AGPAT5: variants seen among roughly 807,000 people sequenced by gnomAD.
AGPAT5 encodes 1-acylglycerol-3-phosphate O-acyltransferase 5, also known as 1-acyl-sn-glycerol-3-phosphate acyltransferase epsilon.
A neutral mutation model predicts 45.6 loss-of-function variants in AGPAT5; 46 were observed. The observed-to-expected ratio is 1.01, with a 90% CI of 0.80 to 1.29. The LOEUF (loss-of-function observed/expected upper bound fraction) is 1.29, where lower values mean the gene tolerates loss of function less well. Ranked by LOEUF, AGPAT5 falls within the 50% of genes most tolerant of loss-of-function variation. The probability of loss-of-function intolerance (pLI) is 0.00; values close to 1 mark genes in which losing one functional copy is unlikely to be tolerated. For synonymous variants in AGPAT5, 272 were observed against 167.0 expected (o/e 1.63, Z -4.85); for missense variants, 673 against 450.7 (o/e 1.49, Z -4.47).
intron 1 of AGPAT5, among the ~76,000 whole-genome samples, chr8:6,717,219 T>G (rs1800361855): frequency 6.6e-6 from 1 of 152,266 alleles, no homozygotes; most frequent in African/African-American, 2.4e-5. Context: ...TTGTTTCTTC[T>G]GTTTCTCTGT....
intron 2 of AGPAT5, among the ~76,000 whole-genome samples, chr8:6,729,957 A>G (rs1302715813): frequency 6.6e-6 from 1 of 152,188 alleles, no homozygotes; most frequent in Non-Finnish European, 1.5e-5. Context: ...GTCCTAACCT[A>G]GTACCGAGTC....
chr8:6,728,362 G>C lies in AGPAT5; in HGVS notation c.290-2349G>C, dbSNP rs142140290. Among the ~76,000 whole-genome samples the C allele has an allele frequency of 4.2e-3, 638 of 152,358 alleles. 4 individuals carry two copies. The highest frequency in any genetic ancestry group is 7.0e-3 in the Non-Finnish European group (473 of 68,034). Reference sequence around the variant, plus strand: ...AATCTGATGTCCTATCTGAAAGGTAGCTGAGAATAAACAAGAAATAAAGAG... The same window carrying C: ...AATCTGATGTCCTATCTGAAAGGTACCTGAGAATAAACAAGAAATAAAGAG... On this transcript the variant is annotated intron_variant, in intron 2 of 7. Coordinates refer to ENST00000285518, the MANE Select transcript of AGPAT5 (RefSeq NM_018361.5).
intron 7 of AGPAT5, among the ~76,000 whole-genome samples, chr8:6,756,714 C>G (rs1185383781): frequency 2.6e-5 from 4 of 151,758 alleles, no homozygotes; most frequent in African/African-American, 4.8e-5. Flanking sequence ...TGATCTTGGT[C>G]TCTGCCGGGT....
intron 3 of AGPAT5, among the ~76,000 whole-genome samples, 167 bp downstream of exon 3, chr8:6,730,993 C>G (rs1334243241): frequency 6.6e-6 from 1 of 151,788 alleles, no homozygotes; most frequent in African/African-American, 2.4e-5. Context: ...CTCTGCCTCC[C>G]AAGTAGTTGG....
Position 6,755,137 on chromosome 8 carries a change from A to T in AGPAT5, c.832A>T (p.Arg278Ter). The change falls in exon 7 of 8, where the codon AGA becomes TGA. Residue 278 changes from arginine (R) to a stop codon, truncating the protein, a stop_gained. Coordinates refer to ENST00000285518, the MANE Select transcript of AGPAT5 (RefSeq NM_018361.5). LOFTEE classifies it high-confidence loss of function. ...KDVPEEQEHMRRWLHERFEIK... is the reference protein window; with the variant it reads ...KDVPEEQEHM ...TGTCCCAGAAGAACAAGAACATATG[A>T]GAAGATGGCTGCATGAACGTTTCGA... 1.2e-6 allele frequency: 2 copies of T among 1,608,394 alleles called. No individual in the cohort carries two copies. Among genetic ancestry groups the T allele is most frequent in the Non-Finnish European group, 1.7e-6 (2 of 1,179,006 alleles).
chr8:6,733,331 C>T (rs1563293418), intron 4 of AGPAT5, among the ~76,000 whole-genome samples: 3 of 152,212 alleles, frequency 2.0e-5, no homozygotes. Flanking sequence ...CTCCCTCCCT[C>T]TGTCTTCCCT....
chr8:6,714,141 C>T (rs951128162), intron 1 of AGPAT5, among the ~76,000 whole-genome samples: 1 of 152,146 alleles, frequency 6.6e-6, no homozygotes, highest in Non-Finnish European at 1.5e-5. Context: ...TCTCTGATAC[C>T]TATAGTCCTA....
At chr8:6,718,011 C>G (rs1003847321) in intron 1 of AGPAT5, among the ~76,000 whole-genome samples, 4 of 152,174 alleles carry the variant, frequency 2.6e-5, no homozygotes, top group African/African-American at 4.8e-5. Context: ...GTGTCAACTT[C>G]TCAGTCTCAA....
At chr8:6,718,512 TG>T (rs1800404941) in intron 1 of AGPAT5, among the ~76,000 whole-genome samples, 1 of 19,646 alleles carries the variant, frequency 5.1e-5, no homozygotes, top group Non-Finnish European at 8.4e-5. Flanking sequence ...TGGAAAACAC[TG>T]TGTAAGCTTT....
intron 6 of AGPAT5, among the ~76,000 whole-genome samples, chr8:6,749,334 T>A (rs1352216203): frequency 6.6e-6 from 1 of 152,136 alleles, no homozygotes; most frequent in Non-Finnish European, 1.5e-5. Flanking sequence ...GAAAAAAAAA[T>A]GTAACATATT....
rs549648806 is a variant in AGPAT5, at chr8:6,719,942, ACT to A, written c.220-4924_220-4923del. ...ACCAGGAACACCTTTGACCTCAGTGACTCTCGATTGAAGAGAAGACCAAGTTG... is the reference window on the plus strand; with the variant it reads ...ACCAGGAACACCTTTGACCTCAGTGACTCGATTGAAGAGAAGACCAAGTTG... On this transcript the variant is annotated intron_variant, in intron 1 of 7. Coordinates refer to ENST00000285518, the MANE Select transcript of AGPAT5 (RefSeq NM_018361.5). 5.8e-3 allele frequency among the ~76,000 whole-genome samples: 878 copies of A among 152,226 alleles called. 3 individuals are homozygous for A. The highest frequency in any genetic ancestry group is 8.8e-3 in the Non-Finnish European group (600 of 68,014).
chr8:6,727,626 C>G (rs1800732053), intron 2 of AGPAT5, among the ~76,000 whole-genome samples: 1 of 152,236 alleles, frequency 6.6e-6, no homozygotes, highest in Non-Finnish European at 1.5e-5. Flanking sequence ...GGTGATCTGC[C>G]TGCCTCGGCC....
chr8:6,756,646 A>T (rs956342795), intron 7 of AGPAT5, among the ~76,000 whole-genome samples: 1 of 150,562 alleles, frequency 6.6e-6, no homozygotes, highest in Non-Finnish European at 1.5e-5. Context: ...GAGGATATGC[A>T]TATGTTATAT....
intron 6 of AGPAT5, among the ~76,000 whole-genome samples, chr8:6,751,241 A>G (rs1460945995): frequency 6.6e-6 from 1 of 152,244 alleles, no homozygotes; most frequent in African/African-American, 2.4e-5. Flanking sequence ...AGTATTAAAT[A>G]TTATCTCTAT....
intron 5 of AGPAT5, among the ~76,000 whole-genome samples, chr8:6,744,737 T>C (rs575982694): frequency 6.6e-6 from 1 of 152,340 alleles, no homozygotes; most frequent in African/African-American, 2.4e-5. Context: ...TTTGGCTGAT[T>C]TCTAATCTCT....
intron 1 of AGPAT5, among the ~76,000 whole-genome samples, chr8:6,719,271 A>G (rs912211370): frequency 6.6e-6 from 1 of 152,216 alleles, no homozygotes. Context: ...TTCCTAATGC[A>G]TGGTGGGAGA....
At chr8:6,710,404 A>G (rs1005478128) in intron 1 of AGPAT5, among the ~76,000 whole-genome samples, 1 of 152,208 alleles carries the variant, frequency 6.6e-6, no homozygotes, top group African/African-American at 2.4e-5. Context: ...ATCCAGCACT[A>G]ATTTTCATGC....
intron 4 of AGPAT5, among the ~76,000 whole-genome samples, chr8:6,734,400 C>T (rs1350097968): frequency 6.6e-6 from 1 of 152,046 alleles, no homozygotes; most frequent in Non-Finnish European, 1.5e-5. Context: ...GTTTAAGGCA[C>T]TCTTCATCTC....
chr8:6,750,975 A>G (rs1406503606), intron 6 of AGPAT5, among the ~76,000 whole-genome samples: 13 of 152,212 alleles, frequency 8.5e-5, no homozygotes. Flanking sequence ...TATAATAATA[A>G]CACGTTTTTC....
Sources: allele counts gnomAD v4.1 joint callset (sites outside exome capture counted in the v4.1 genomes callset), GRCh38; gene constraint gnomAD v4.1.1; transcripts MANE v1.5; gene names NCBI Gene and HGNC (gene_info 2026-07-23, HGNC 2026-07-21).